Variants in KDM1B observed in about 807,000 individuals in gnomAD.
The protein encoded by KDM1B is lysine demethylase 1B.
In KDM1B, 63 loss-of-function variants were observed where a neutral mutation model predicts 107.4. That is an observed-to-expected ratio of 0.59 (90% CI 0.48 to 0.72). The LOEUF (loss-of-function observed/expected upper bound fraction) is 0.72. Ranked by LOEUF, KDM1B falls within the 30% of genes least tolerant of loss-of-function variation. The pLI is 0.00. For synonymous variants in KDM1B, 363 were observed against 363.9 expected (o/e 1.00, Z 0.03); for missense variants, 749 against 1,020.8 (o/e 0.73, Z 3.63).
At chr6:18,182,939 C>T (rs1786576054) in intron 7 of KDM1B, among the ~76,000 whole-genome samples, 1 of 152,148 alleles carries the variant, frequency 6.6e-6, no homozygotes. Context: ...ATTTACTGTT[C>T]CTGACTGTGC....
At chr6:18,207,986 C>A in intron 16 of KDM1B, 146 bp from the exon 17 acceptor site, 1 of 680,696 alleles carries the variant, frequency 1.5e-6, no homozygotes, top group East Asian at 2.7e-5. Flanking sequence ...CTCAGTTCAG[C>A]TATAACAATT....
chr6:18,202,117 C>A (rs575841399), intron 14 of KDM1B, among the ~76,000 whole-genome samples: 9 of 152,046 alleles, frequency 5.9e-5, no homozygotes, highest in Admixed American at 3.3e-4. Context: ...AGAATTTTAA[C>A]CCATTAGGCA....
At chr6:18,190,184 C>T (rs150917901) in intron 9 of KDM1B, among the ~76,000 whole-genome samples, 4,370 of 151,890 alleles carry the variant, frequency 0.029, 111 homozygotes, top group Non-Finnish European at 0.04. Context: ...AAACGTACCT[C>T]CATGAGGAGT....
At chr6:18,170,856 C>T (rs1278879899) in intron 6 of KDM1B, among the ~76,000 whole-genome samples, 3 of 150,344 alleles carry the variant, frequency 2.0e-5, no homozygotes, top group South Asian at 2.1e-4. Flanking sequence ...AGTCTTGCTC[C>T]GTTGCCCAGG....
At chr6:18,184,816 G>T (rs1786738657) in intron 7 of KDM1B, among the ~76,000 whole-genome samples, 1 of 121,798 alleles carries the variant, frequency 8.2e-6, no homozygotes, top group South Asian at 2.8e-4. Flanking sequence ...GCTCACTGCA[G>T]CCTCAACCTC....
At position 18,203,776 on chromosome 6, in the gene KDM1B, C is replaced by G. The variant is rs999393705; in HGVS notation, c.1532-1761C>G. On this transcript the variant is annotated intron_variant, in intron 14 of 21. Coordinates refer to ENST00000650836, the MANE Select transcript of KDM1B (RefSeq NM_001364614.2). The surrounding 1 kb of genome is among the most constrained non-coding windows in gnomAD (Gnocchi z 5.5). ...GCTGAGGCAGGAGAATCACTTGAAC[C>G]TGGGAGGCAGAGGTTGCAGTGAGAC... Among the ~76,000 whole-genome samples, 3 of 150,978 alleles carry G rather than the reference C, an allele frequency of 2.0e-5. No homozygotes were observed. In the Admixed American group the frequency reaches 2.0e-4, roughly 10 times the overall value.
chr6:18,208,805 T>C (rs1048494178), intron 17 of KDM1B, among the ~76,000 whole-genome samples: 4 of 131,348 alleles, frequency 3.0e-5, no homozygotes, highest in Non-Finnish European at 6.5e-5. Flanking sequence ...CCATCACGCC[T>C]GGCTAATTTT....
intron 21 of KDM1B, among the ~76,000 whole-genome samples, chr6:18,221,078 C>T (rs547117748): frequency 2.0e-5 from 3 of 152,202 alleles, no homozygotes; most frequent in Admixed American, 6.5e-5. Flanking sequence ...CCTTCCCTCA[C>T]TGCCACTTTC....
intron 6 of KDM1B, among the ~76,000 whole-genome samples, chr6:18,168,422 T>C (rs1785456036): frequency 6.6e-6 from 1 of 152,250 alleles, no homozygotes; most frequent in South Asian, 2.1e-4. Context: ...TCATATCCAT[T>C]GTAGGATGTG....
In KDM1B at chr6:18,213,163, A is replaced by G. The variant is rs1400370576; in HGVS notation, c.1984-493A>G. Among the ~76,000 whole-genome samples, 1 of 152,034 alleles carries G rather than the reference A, an allele frequency of 6.6e-6. No individual in the cohort carries two copies. Among genetic ancestry groups the G allele is most frequent in the Non-Finnish European group, 1.5e-5 (1 of 67,974 alleles). On this transcript the variant is annotated intron_variant, in intron 18 of 21. Coordinates refer to ENST00000650836, the MANE Select transcript of KDM1B (RefSeq NM_001364614.2). This position sits in a 1 kb window ranked among gnomAD's most constrained non-coding sequence, Gnocchi z 5.9. Reference sequence around the variant, plus strand: ...TCAAAAGCAAGGAGCTGGGCTGGGCACAGTGGCTCATGCCTGTAATCCCAG... The same window carrying G: ...TCAAAAGCAAGGAGCTGGGCTGGGCGCAGTGGCTCATGCCTGTAATCCCAG...
intron 9 of KDM1B, among the ~76,000 whole-genome samples, chr6:18,189,359 T>C (rs1787122492): frequency 6.6e-6 from 1 of 151,994 alleles, no homozygotes; most frequent in Non-Finnish European, 1.5e-5. Context: ...TTAGGGAGAG[T>C]GTATGTTTAC....
intron 10 of KDM1B, among the ~76,000 whole-genome samples, chr6:18,193,179 GA>G (rs1787394106): frequency 2.0e-5 from 1 of 49,782 alleles, no homozygotes; most frequent in East Asian, 6.0e-4. Flanking sequence ...TGGGCAACAA[GA>G]ACGAAACTCT....
At chr6:18,215,175 T>C in intron 20 of KDM1B, 46 bp downstream of exon 20, 1 of 1,584,978 alleles carries the variant, frequency 6.3e-7, no homozygotes, top group Non-Finnish European at 8.5e-7. Flanking sequence ...CCGTGCTTGC[T>C]ATCCAGAGCA....
chr6:18,160,222 T>A (rs1327220937), intron 3 of KDM1B, among the ~76,000 whole-genome samples: 2 of 152,146 alleles, frequency 1.3e-5, no homozygotes, highest in African/African-American at 4.8e-5. Context: ...GCATAGGATG[T>A]TCAGAGATTC....
At chr6:18,199,008 G>GA (rs70974711) in intron 12 of KDM1B, among the ~76,000 whole-genome samples, 8,782 of 74,672 alleles carry the variant, frequency 0.12, 659 homozygotes, top group Non-Finnish European at 0.13. Flanking sequence ...GTCTCTACCA[G>GA]AAAAAAAAAA....
chr6:18,158,889 T>G (rs1411043033), intron 2 of KDM1B, among the ~76,000 whole-genome samples: 2 of 152,218 alleles, frequency 1.3e-5, no homozygotes, highest in South Asian at 4.1e-4. Flanking sequence ...CTATCTAATT[T>G]AGATCTGTAT....
chr6:18,184,532 C>G (rs1456182409), intron 7 of KDM1B, among the ~76,000 whole-genome samples: 2 of 151,870 alleles, frequency 1.3e-5, no homozygotes, highest in Admixed American at 6.6e-5. Context: ...ACCTCAGCCT[C>G]CCAAAGTGCT....
At chr6:18,189,278 G>A (rs1787113336) in intron 9 of KDM1B, among the ~76,000 whole-genome samples, 1 of 151,966 alleles carries the variant, frequency 6.6e-6, no homozygotes, top group Non-Finnish European at 1.5e-5. Context: ...ATATAGATGT[G>A]GTGGAAATCA....
At position 18,203,776 on chromosome 6, in the gene KDM1B, C is replaced by T. The variant is rs999393705; in HGVS notation, c.1532-1761C>T. ...GCTGAGGCAGGAGAATCACTTGAAC[C>T]TGGGAGGCAGAGGTTGCAGTGAGAC... is the stretch of plus-strand genomic sequence containing the variant. On this transcript the variant is annotated intron_variant, in intron 14 of 21. Coordinates refer to ENST00000650836, the MANE Select transcript of KDM1B (RefSeq NM_001364614.2). The surrounding 1 kb of genome is among the most constrained non-coding windows in gnomAD (Gnocchi z 5.5). Among the ~76,000 whole-genome samples, 1 of 150,978 alleles carries T rather than the reference C, an allele frequency of 6.6e-6. No individual in the cohort carries two copies. Among genetic ancestry groups the T allele is most frequent in the Admixed American group, 6.7e-5 (1 of 15,020 alleles).
Sources: allele counts gnomAD v4.1 joint callset (sites outside exome capture counted in the v4.1 genomes callset), GRCh38; gene constraint gnomAD v4.1.1; non-coding constraint Gnocchi (gnomAD v3.1); transcripts MANE v1.5; gene names NCBI Gene and HGNC (gene_info 2026-07-23, HGNC 2026-07-21).